The following EYA2 variants were observed in gnomAD, a reference collection of about 807,000 sequenced individuals.
EYA2 encodes EYA transcriptional coactivator and phosphatase 2.
In EYA2, 31 loss-of-function variants were observed where a neutral mutation model predicts 69.2. The ratio of observed to expected loss-of-function variants is 0.45; its 90% CI spans 0.34 to 0.60. The LOEUF (loss-of-function observed/expected upper bound fraction) is 0.60. Ranked by LOEUF, EYA2 falls within the 20% of genes least tolerant of loss-of-function variation. The pLI is 0.02. For missense variants in EYA2, 622 were observed against 701.2 expected, an observed-to-expected ratio of 0.89 and a Z score of 1.28; for synonymous variants, 257 against 279.4, an observed-to-expected ratio of 0.92 and a Z score of 0.80.
chr20:47,094,183 A>G (rs1046117145), intron 8 of EYA2, among the ~76,000 whole-genome samples: 34 of 152,220 alleles, frequency 2.2e-4, no homozygotes, highest in Admixed American at 1.3e-3. Context: ...GATTTAATGG[A>G]TAAAGTAAGG....
At chr20:47,073,730 A>G (rs2031402923) in intron 6 of EYA2, among the ~76,000 whole-genome samples, 1 of 152,054 alleles carries the variant, frequency 6.6e-6, no homozygotes, top group Non-Finnish European at 1.5e-5. Context: ...TGCACGGGGC[A>G]GGCAGGAAGT....
rs114015017 is a variant in EYA2 at position 47,166,011 on chromosome 20, G to C, written c.979-3128G>C. 2.2e-3 allele frequency among the ~76,000 whole-genome samples: 329 copies of C among 151,888 alleles called. 1 individual carries two copies. The highest frequency in any genetic ancestry group is 7.8e-3 in the African/African-American group (322 of 41,396). ...TCAAGACCAGCCTGGGCAACATATT[G>C]AGACCCTATCTCTATTTTTCAAAAA... On this transcript the variant is annotated intron_variant, in intron 10 of 15. Transcript: ENST00000327619.
intron 10 of EYA2, among the ~76,000 whole-genome samples, chr20:47,156,085 T>TACACACACAC (rs1320084095): frequency 1.0e-4 from 3 of 28,778 alleles, no homozygotes; most frequent in Non-Finnish European, 1.8e-4. Flanking sequence ...CACATATATA[T>TACACACACAC]ACATACACAC....
At chr20:47,161,374 C>T (rs1208199030) in intron 10 of EYA2, 6 of 432,780 alleles carry the variant, frequency 1.4e-5, no homozygotes, top group Non-Finnish European at 2.2e-5. Context: ...CGCTGGCTGG[C>T]GTGGGTCTGC....
chr20:47,152,833 G>GA (rs1568811560), intron 10 of EYA2, among the ~76,000 whole-genome samples: 1 of 139,340 alleles, frequency 7.2e-6, no homozygotes. Context: ...AGAAAGAAAA[G>GA]AAAAAAAGAA....
At chr20:47,014,415 C>T (rs538454596) in intron 4 of EYA2, among the ~76,000 whole-genome samples, 2 of 152,250 alleles carry the variant, frequency 1.3e-5, no homozygotes, top group African/African-American at 4.8e-5. Flanking sequence ...CTGTTCTATA[C>T]CCATAAGATA....
At chr20:47,046,101 G>T (rs571173886) in intron 5 of EYA2, among the ~76,000 whole-genome samples, 1 of 152,302 alleles carries the variant, frequency 6.6e-6, no homozygotes, top group African/African-American at 2.4e-5. Context: ...GCATGGTCAG[G>T]TTCAGGTGGG....
Position 47,143,065 on chromosome 20 carries a change from A to G in EYA2, c.895A>G (p.Thr299Ala). ...TFASRYGKDT[T>A]TSVRIGLMME... ...CCCCTTCTCTGCCTCGCAGGACACC[A>G]CGACGTCCGTGCGCATTGGCCTTAT... is the stretch of plus-strand genomic sequence containing the variant. The change falls in exon 10 of 16, where the codon ACG (threonine) becomes GCG (alanine). Residue 299 changes from threonine (T) to alanine (A), a missense_variant. Coordinates refer to ENST00000327619, the MANE Select transcript of EYA2 (RefSeq NM_005244.5). The G allele has an allele frequency of 3.1e-6, 5 of 1,613,636 alleles. No individual in the cohort carries two copies. The South Asian group carries it at 3.3e-5, about 11-fold the overall frequency.
At chr20:47,079,638 A>G (rs2031644850) in intron 7 of EYA2, among the ~76,000 whole-genome samples, 2 of 152,374 alleles carry the variant, frequency 1.3e-5, no homozygotes, top group South Asian at 2.1e-4. Flanking sequence ...GCATCATAGC[A>G]AAAGGCTGGA....
chr20:46,954,950 A>G (rs185744339), intron 1 of EYA2, among the ~76,000 whole-genome samples: 1 of 152,294 alleles, frequency 6.6e-6, no homozygotes, highest in Non-Finnish European at 1.5e-5. Flanking sequence ...AAGAAGCACT[A>G]TCAGTATCTT....
chr20:47,129,815 G>A (rs754643982), intron 9 of EYA2, among the ~76,000 whole-genome samples: 11 of 152,308 alleles, frequency 7.2e-5, no homozygotes, highest in East Asian at 1.9e-4. Context: ...AGTGCTGAGC[G>A]CAGGAGCAGG....
In EYA2 at chr20:46,998,971, G is replaced by C. The variant is rs181224132; in HGVS notation, c.110-2457G>C. ...GAGAGTATTTACAGGTCTGCGTAGTGGGGGAGGGGAACCTGTCTGCTGGGG... is the reference window on the plus strand; with the variant it reads ...GAGAGTATTTACAGGTCTGCGTAGTCGGGGAGGGGAACCTGTCTGCTGGGG... On this transcript the variant is annotated intron_variant, in intron 2 of 15. Coordinates refer to ENST00000327619, the MANE Select transcript of EYA2 (RefSeq NM_005244.5). Among the ~76,000 whole-genome samples, 5 of 152,248 alleles carry C rather than the reference G, an allele frequency of 3.3e-5. No homozygotes were observed. In the South Asian group the frequency reaches 6.2e-4, roughly 19 times the overall value.
chr20:47,003,540 G>A (rs1251003645), intron 3 of EYA2, among the ~76,000 whole-genome samples: 3 of 152,242 alleles, frequency 2.0e-5, no homozygotes, highest in Non-Finnish European at 4.4e-5. Flanking sequence ...GACAAAGCGA[G>A]TGTGTTTATG....
intron 10 of EYA2, among the ~76,000 whole-genome samples, chr20:47,160,132 G>A (rs2034034916): frequency 6.6e-6 from 1 of 152,198 alleles, no homozygotes; most frequent in Non-Finnish European, 1.5e-5. Context: ...GGTTGAACAG[G>A]ATCCCTCTGG....
At chr20:47,023,635 T>TG (rs1461045600) in intron 5 of EYA2, among the ~76,000 whole-genome samples, 32 of 88,356 alleles carry the variant, frequency 3.6e-4, no homozygotes, top group African/African-American at 1.1e-3. Context: ...TTTGGGTGTT[T>TG]TTTTTTTTTT....
intron 9 of EYA2, among the ~76,000 whole-genome samples, chr20:47,129,376 T>G (rs899382914): frequency 3.3e-5 from 5 of 152,186 alleles, no homozygotes; most frequent in African/African-American, 4.8e-5. Flanking sequence ...AAGACCTTTC[T>G]GGCATTGAAA....
chr20:46,952,416 A>G (rs568587683), intron 1 of EYA2, among the ~76,000 whole-genome samples: 2 of 152,196 alleles, frequency 1.3e-5, no homozygotes, highest in Admixed American at 6.5e-5. Flanking sequence ...AGCTGGCCTC[A>G]TTTAACCTCC....
At chr20:47,010,881 A>C (rs1447375422) in intron 4 of EYA2, among the ~76,000 whole-genome samples, 1 of 149,442 alleles carries the variant, frequency 6.7e-6, no homozygotes, top group Non-Finnish European at 1.5e-5. Flanking sequence ...TCTGCCTCCC[A>C]CGTTCAAGTG....
At chr20:46,983,964 G>A (rs1325682503) in intron 1 of EYA2, among the ~76,000 whole-genome samples, 3 of 152,118 alleles carry the variant, frequency 2.0e-5, no homozygotes, top group Non-Finnish European at 4.4e-5. Context: ...GATCATGATA[G>A]TGAGGTTGAC....
Sources: gnomAD v4.1 joint callset for allele counts (sites outside exome capture counted in the v4.1 genomes callset) on GRCh38, gnomAD v4.1.1 for gene constraint, MANE v1.5 for transcripts, NCBI Gene and HGNC (gene_info 2026-07-23, HGNC 2026-07-21) for gene names.